Variants in PDE4D observed in about 807,000 individuals in gnomAD.
PDE4D encodes the protein phosphodiesterase 4D.
A neutral mutation model predicts 87.4 loss-of-function variants in PDE4D; 24 were observed. The observed-to-expected ratio is 0.27, with a 90% CI of 0.20 to 0.39. The LOEUF (loss-of-function observed/expected upper bound fraction) is 0.39, where lower values mean the gene tolerates loss of function less well. Ranked by LOEUF, PDE4D falls within the 10% of genes least tolerant of loss-of-function variation. The pLI, the probability that PDE4D is intolerant of heterozygous loss-of-function variation, is 1.00. For missense variants in PDE4D, 714 were observed against 1,041.0 expected (o/e 0.69, Z 4.32); for synonymous variants, 384 against 383.2 (o/e 1.00, Z -0.02).
intron 1 of PDE4D, among the ~76,000 whole-genome samples, chr5:60,203,876 C>A (rs1305282436): frequency 6.6e-6 from 1 of 152,152 alleles, no homozygotes; most frequent in Non-Finnish European, 1.5e-5. Flanking sequence ...AGAATCATTT[C>A]AGTCAGTTCT....
intron 3 of PDE4D, among the ~76,000 whole-genome samples, chr5:59,924,041 T>C (rs1291234743): frequency 6.6e-6 from 1 of 152,088 alleles, no homozygotes; most frequent in African/African-American, 2.4e-5. Flanking sequence ...TAGATTGAAA[T>C]AAAAAGAATC....
At chr5:60,242,581 G>A (rs1157823670) in intron 1 of PDE4D, among the ~76,000 whole-genome samples, 5 of 152,056 alleles carry the variant, frequency 3.3e-5, no homozygotes, top group Non-Finnish European at 7.4e-5. Flanking sequence ...CACATGTTAG[G>A]TCACAAAACA....
rs182243129 is a variant in PDE4D at position 58,978,853 on chromosome 5, G to T, written c.1553-1508C>A. The stretch of plus-strand genomic sequence containing the variant: ...ATGCCTTTATGAACCTTTATCTACA[G>T]ATAGGTAAGCATATAGAAATGAAAA... On this transcript the variant is annotated intron_variant, in intron 11 of 14. Transcript: ENST00000340635. Among the ~76,000 whole-genome samples the T allele has an allele frequency of 4.0e-3, 607 of 152,218 alleles. 2 individuals carry two copies. The highest frequency in any genetic ancestry group is 6.4e-3 in the Non-Finnish European group (435 of 68,010).
intron 1 of PDE4D, among the ~76,000 whole-genome samples, chr5:59,467,872 T>G (rs1167929701): frequency 2.0e-5 from 3 of 152,200 alleles, no homozygotes; most frequent in Non-Finnish European, 4.4e-5. Context: ...CTGGGTGAAG[T>G]TTATACATAT....
intron 1 of PDE4D, among the ~76,000 whole-genome samples, chr5:59,273,667 A>G: frequency 6.6e-6 from 1 of 152,172 alleles, no homozygotes; most frequent in South Asian, 2.1e-4. Flanking sequence ...TTACACAGAA[A>G]TCATTCTATC....
intron 2 of PDE4D, among the ~76,000 whole-genome samples, chr5:60,068,628 C>T (rs1772371384): frequency 2.0e-5 from 3 of 151,864 alleles, no homozygotes; most frequent in African/African-American, 2.4e-5. Context: ...GGGTCTGGAT[C>T]TGTCACTCAG....
At chr5:59,722,333 A>T (rs1458216627) in intron 1 of PDE4D, among the ~76,000 whole-genome samples, 1 of 152,216 alleles carries the variant, frequency 6.6e-6, no homozygotes, top group African/African-American at 2.4e-5. Flanking sequence ...AATTACATTC[A>T]TCCTTGGAGA....
intron 1 of PDE4D, among the ~76,000 whole-genome samples, chr5:59,680,996 C>T (rs1452616292): frequency 6.6e-6 from 1 of 152,156 alleles, no homozygotes; most frequent in African/African-American, 2.4e-5. Context: ...TATGTACATA[C>T]ATACACTTTC....
At chr5:60,123,531 A>G (rs1357377060) in intron 2 of PDE4D, among the ~76,000 whole-genome samples, 2 of 152,054 alleles carry the variant, frequency 1.3e-5, no homozygotes, top group Non-Finnish European at 2.9e-5. Flanking sequence ...GTATGGGGGA[A>G]AGTTTACCCC....
chr5:59,937,875 G>A (rs181997623), intron 3 of PDE4D, among the ~76,000 whole-genome samples: 38 of 152,276 alleles, frequency 2.5e-4, no homozygotes, highest in African/African-American at 7.2e-4. Flanking sequence ...ATACTTAGCT[G>A]CGATCTTATG....
At chr5:59,699,608 G>A (rs1004682927) in intron 1 of PDE4D, among the ~76,000 whole-genome samples, 6 of 152,088 alleles carry the variant, frequency 3.9e-5, no homozygotes, top group African/African-American at 9.7e-5. Flanking sequence ...TATGATGGTG[G>A]TGGAGGTAAT....
At chr5:59,987,724 AG>A (rs1275449582) in intron 3 of PDE4D, 1 of 152,190 alleles carries the variant, frequency 6.6e-6, no homozygotes, top group East Asian at 1.9e-4. Context: ...CTTTCTATCC[AG>A]GCTTCTTAAA....
At chr5:60,360,270 A>G (rs1211386911) in intron 1 of PDE4D, among the ~76,000 whole-genome samples, 11 of 152,238 alleles carry the variant, frequency 7.2e-5, no homozygotes, top group Non-Finnish European at 1.3e-4. Context: ...CAAAGCTGTA[A>G]AACACTGACC....
intron 2 of PDE4D, among the ~76,000 whole-genome samples, chr5:60,148,736 C>CA (rs1256847471): frequency 6.6e-6 from 1 of 152,138 alleles, no homozygotes; most frequent in East Asian, 1.9e-4. Context: ...TATAGTAGGA[C>CA]ATACATTTAG....
intron 1 of PDE4D, among the ~76,000 whole-genome samples, chr5:59,498,290 A>G (rs531251574): frequency 6.6e-6 from 1 of 151,468 alleles, no homozygotes; most frequent in African/African-American, 2.4e-5. Flanking sequence ...GCAACCAGAT[A>G]ATAACACTAT....
Position 60,116,029 on chromosome 5 carries a change from C to T in PDE4D, c.42+69528G>A, listed in dbSNP as rs190479973. Reference sequence around the variant, plus strand: ...GCTTTGTAGTAAACAACATTATTTACAGATAAGACATGAAACTATTAAAGA... The same window carrying T: ...GCTTTGTAGTAAACAACATTATTTATAGATAAGACATGAAACTATTAAAGA... On this transcript the variant is annotated intron_variant, in intron 2 of 16. Coordinates refer to the PDE4D transcript ENST00000502484. Among the ~76,000 whole-genome samples, 27 of 152,164 alleles carry T rather than the reference C, an allele frequency of 1.8e-4. No individual in the cohort carries two copies. In the East Asian group the frequency reaches 5.2e-3, roughly 29 times the overall value.
At chr5:59,290,049 A>G (rs1767718204) in intron 1 of PDE4D, among the ~76,000 whole-genome samples, 2 of 152,014 alleles carry the variant, frequency 1.3e-5, no homozygotes, top group African/African-American at 4.8e-5. Context: ...GATATTCCAC[A>G]TTCATGAATT....
chr5:59,703,868 G>T (rs1752979055), intron 1 of PDE4D, among the ~76,000 whole-genome samples: 1 of 152,090 alleles, frequency 6.6e-6, no homozygotes, highest in South Asian at 2.1e-4. Context: ...TATTATGACA[G>T]GTCCTGAGGG....
At chr5:59,297,148 T>C (rs940849339) in intron 1 of PDE4D, among the ~76,000 whole-genome samples, 1 of 152,150 alleles carries the variant, frequency 6.6e-6, no homozygotes, top group African/African-American at 2.4e-5. Flanking sequence ...TCTGTCATGA[T>C]TCCAAAAGGA....
Sources: gnomAD v4.1 joint callset for allele counts (sites outside exome capture counted in the v4.1 genomes callset) on GRCh38, gnomAD v4.1.1 for gene constraint, MANE v1.5 for transcripts, NCBI Gene and HGNC (gene_info 2026-07-23, HGNC 2026-07-21) for gene names.